GPC1: variants seen among roughly 807,000 people sequenced by gnomAD.
GPC1 encodes glypican 1, also known as glypican-1.
Under a neutral mutation model 51.5 loss-of-function variants are expected in GPC1, and 26 were observed. That is an observed-to-expected ratio of 0.50 (90% CI 0.37 to 0.70). The LOEUF is 0.70. Among genes scored for constraint, GPC1 ranks in the 30% least tolerant of loss-of-function variants. GPC1 has a pLI of 0.00. For synonymous variants in GPC1, 380 were observed against 348.3 expected (o/e 1.09, Z -1.01); for missense variants, 775 against 800.5 (o/e 0.97, Z 0.38).
Position 240,466,221 on chromosome 2 carries a change from G to A in GPC1, c.1608G>A (p.Gln536=). Residue 536 remains glutamine, a synonymous_variant, in exon 9 of 9, where the codon CAG becomes CAA. Coordinates refer to ENST00000264039, the MANE Select transcript of GPC1 (RefSeq NM_002081.3). The stretch of plus-strand genomic sequence containing the variant: ...AGACCTCGGCTGCCAGCTGCCCCCA[G>A]CCCCCGACCTTCCTCCTGCCCCTCC... ...GQKTSAASCP[Q]PPTFLLPLLL... 6.2e-7 allele frequency: 1 copy of A among 1,612,896 alleles called. No homozygotes were observed. The highest frequency in any genetic ancestry group is 2.2e-5 in the East Asian group (1 of 44,862).
chr2:240,457,714 C>T (rs544205807), intron 1 of GPC1, among the ~76,000 whole-genome samples: 7 of 152,282 alleles, frequency 4.6e-5, no homozygotes, highest in African/African-American at 7.2e-5. Flanking sequence ...ACCCCGCCCT[C>T]GGTCCCGGTC....
intron 1 of GPC1, chr2:240,457,443 A>G (rs1317268812): frequency 4.2e-6 from 2 of 470,702 alleles, no homozygotes; most frequent in South Asian, 3.1e-5. Context: ...CAGCAAACTC[A>G]GTCTGACCCA....
At chr2:240,458,757 T>TG (rs2074191797) in intron 1 of GPC1, 1 of 425,298 alleles carries the variant, frequency 2.4e-6, no homozygotes, top group Non-Finnish European at 4.2e-6. Flanking sequence ...GACAGCAGGC[T>TG]GGGGGGCAGG....
In GPC1 at chr2:240,462,677, C is replaced by T; in HGVS notation, c.717+95C>T. 11 of 1,135,920 alleles carry T rather than the reference C, an allele frequency of 9.7e-6. No homozygotes were observed. The South Asian group carries it at 1.8e-4, about 18-fold the overall frequency. 70.4% of individuals were successfully genotyped at this position (1,135,920 alleles called of 1,614,324 possible). A position where few individuals can be genotyped will look rare whatever the true frequency, so the allele number is the denominator to read the frequency against. Reference sequence around the variant, plus strand: ...TTCCCCCTACTTTAACCCTGTGCCCCTGGGCCTCTGGGCCAGCCTCTGACC... The same window carrying T: ...TTCCCCCTACTTTAACCCTGTGCCCTTGGGCCTCTGGGCCAGCCTCTGACC... On this transcript the variant is annotated intron_variant, in intron 3 of 8. Transcript: ENST00000264039.
chr2:240,444,692 G>A (rs756826164), intron 1 of GPC1, among the ~76,000 whole-genome samples: 16 of 152,220 alleles, frequency 1.1e-4, no homozygotes, highest in Non-Finnish European at 2.2e-4. Context: ...CAGAGCTGTG[G>A]CCTATGGGTG....
chr2:240,465,066 CT>C lies in GPC1; in HGVS notation c.1135-10del, dbSNP rs769362404. 1 of 1,597,716 alleles carries C rather than the reference CT, an allele frequency of 6.3e-7. No homozygotes were observed. Among genetic ancestry groups the C allele is most frequent in the South Asian group, 1.1e-5 (1 of 88,714 alleles). ...CCCTGGCAGCCCAGTGGCCTGACTG[CT>C]GCCCCACAGGTCTCCGAAGCCAAGG... On this transcript the variant is annotated splice_polypyrimidine_tract_variant and intron_variant, in intron 6 of 8. Transcript: ENST00000264039.
In GPC1 at chr2:240,465,229, G is replaced by T. The variant is rs755892854; in HGVS notation, c.1268+19G>T. 1.9e-6 allele frequency: 3 copies of T among 1,590,850 alleles called. No homozygotes were observed. Among genetic ancestry groups the T allele is most frequent in the Non-Finnish European group, 1.7e-6 (2 of 1,168,272 alleles). On this transcript the variant is annotated intron_variant, in intron 7 of 8. Transcript: ENST00000264039. ...GAGGCCGGTAGGTGCCCACCTGGCT[G>T]GCACAGCCCTCCCTCCCATGCCGCC... is the stretch of plus-strand genomic sequence containing the variant.
At chr2:240,457,156 C>A (rs988205104) in intron 1 of GPC1, among the ~76,000 whole-genome samples, 1 of 152,178 alleles carries the variant, frequency 6.6e-6, no homozygotes, top group African/African-American at 2.4e-5. Flanking sequence ...ACTCCCTCCC[C>A]CTCTAGCTCA....
chr2:240,455,987 C>T, intron 1 of GPC1: 1 of 427,176 alleles, frequency 2.3e-6, no homozygotes, highest in Non-Finnish European at 4.8e-6. Context: ...GTCCAGCCTG[C>T]CGGGGGCTCC....
intron 2 of GPC1, among the ~76,000 whole-genome samples, chr2:240,461,827 C>T (rs1409279762): frequency 6.6e-6 from 1 of 152,038 alleles, no homozygotes; most frequent in Non-Finnish European, 1.5e-5. Flanking sequence ...CCCCTCTTAC[C>T]CCAGTGAGTC....
Position 240,461,300 on chromosome 2 carries a change from C to G in GPC1, c.326-891C>G, listed in dbSNP as rs565989405. On this transcript the variant is annotated intron_variant, in intron 2 of 8. Transcript: ENST00000264039. ...CAGAGATCTCAGGCTTGACGGCCCC[C>G]GTGCCTCAAAGGAGAGCCTCTGCCC... Among the ~76,000 whole-genome samples, 10 of 152,296 alleles carry G rather than the reference C, an allele frequency of 6.6e-5. No homozygotes were observed. The South Asian group carries it at 2.1e-3, about 32-fold the overall frequency.
intron 1 of GPC1, among the ~76,000 whole-genome samples, chr2:240,453,782 C>T (rs938126543): frequency 2.0e-5 from 3 of 151,914 alleles, no homozygotes; most frequent in Non-Finnish European, 2.9e-5. Context: ...CTGGCCGCGG[C>T]GGCTGGCGAC....
At chr2:240,461,530 G>GTGAGCC (rs1289367326) in intron 2 of GPC1, among the ~76,000 whole-genome samples, 1 of 152,164 alleles carries the variant, frequency 6.6e-6, no homozygotes, top group Non-Finnish European at 1.5e-5. Flanking sequence ...AGGTCTGAGG[G>GTGAGCC]TGAGCCTGTG....
rs555346578 is a variant in GPC1, at chr2:240,443,655, G to A, written c.166+7571G>A. On this transcript the variant is annotated intron_variant, in intron 1 of 8. Coordinates refer to ENST00000264039, the MANE Select transcript of GPC1 (RefSeq NM_002081.3). ...GGGCAGTGGGAGGTGAGGCCCAGCG[G>A]CATCTGTGAACTAGGCCTCCTGGTG... Among the ~76,000 whole-genome samples the A allele has an allele frequency of 3.1e-4, 47 of 152,210 alleles. 1 individual carries two copies. Among genetic ancestry groups the A allele is most frequent in the Non-Finnish European group, 5.7e-4 (39 of 68,034 alleles).
chr2:240,462,005 G>A (rs1268665714), intron 2 of GPC1, among the ~76,000 whole-genome samples, 186 bp from the exon 3 acceptor site: 1 of 152,100 alleles, frequency 6.6e-6, no homozygotes, highest in Non-Finnish European at 1.5e-5. Flanking sequence ...CCCAGGCCAG[G>A]GGGTGAGGTC....
At chr2:240,446,036 T>C (rs1301217783) in intron 1 of GPC1, among the ~76,000 whole-genome samples, 3 of 152,208 alleles carry the variant, frequency 2.0e-5, no homozygotes, top group Non-Finnish European at 2.9e-5. Context: ...TGAGAAAGCG[T>C]CTGCGGCTTC....
rs577465352 is a variant in GPC1, at chr2:240,449,973, C to G, written c.167-9057C>G. 7 of 462,244 alleles carry G rather than the reference C, an allele frequency of 1.5e-5. No homozygotes were observed. In the East Asian group the frequency reaches 4.9e-4, roughly 32 times the overall value. 28.6% of individuals were successfully genotyped at this position (462,244 alleles called of 1,614,324 possible). On this transcript the variant is annotated intron_variant, in intron 1 of 8. Coordinates refer to ENST00000264039, the MANE Select transcript of GPC1 (RefSeq NM_002081.3). ...ATTCGACTGTGGAGAGACATCGTTTCTACCTTCCGGCTCTGGTGAATAATG... is the reference window on the plus strand; with the variant it reads ...ATTCGACTGTGGAGAGACATCGTTTGTACCTTCCGGCTCTGGTGAATAATG...
Position 240,462,295 on chromosome 2 carries a change from C to G in GPC1, c.430C>G (p.Leu144Val), listed in dbSNP as rs773502191. Residue 144 changes from leucine (L) to valine (V), a missense_variant, in exon 3 of 9, where the codon CTG becomes GTG. Leu to Val is a conservative substitution (Grantham distance 32). Coordinates refer to ENST00000264039, the MANE Select transcript of GPC1 (RefSeq NM_002081.3). Reference protein sequence around the residue: ...YTQNARAFRDLYSELRLYYRG... With the variant: ...YTQNARAFRDVYSELRLYYRG... ...GCAGAACGCGAGGGCCTTCCGGGAC[C>G]TGTACTCAGAGCTGCGCCTGTACTA... is the stretch of plus-strand genomic sequence containing the variant. 8.5e-5 allele frequency: 136 copies of G among 1,608,754 alleles called. No homozygotes were observed. Among genetic ancestry groups the G allele is most frequent in the Non-Finnish European group, 5.8e-5 (68 of 1,178,254 alleles).
rs2073981245 is a variant in GPC1 at position 240,436,017 on chromosome 2, C to T, written c.99C>T (p.Gly33=). ...GDPASKSRSC[G]EVRQIYGAKG... is the part of the protein sequence containing the mutation. ...CGGCCAGCAAGAGCCGGAGCTGCGGCGAGGTCCGCCAGATCTACGGAGCCA... is the reference window on the plus strand; with the variant it reads ...CGGCCAGCAAGAGCCGGAGCTGCGGTGAGGTCCGCCAGATCTACGGAGCCA... Residue 33 remains glycine, a synonymous_variant, in exon 1 of 9, where the codon GGC becomes GGT. Coordinates refer to ENST00000264039, the MANE Select transcript of GPC1 (RefSeq NM_002081.3). 2 of 1,384,496 alleles carry T rather than the reference C, an allele frequency of 1.4e-6. No individual in the cohort carries two copies. The highest frequency in any genetic ancestry group is 1.5e-5 in the African/African-American group (1 of 67,410). 85.8% of individuals were successfully genotyped at this position (1,384,496 alleles called of 1,614,324 possible). A position where few individuals can be genotyped will look rare whatever the true frequency, so the allele number is the denominator to read the frequency against.
Sources: allele counts gnomAD v4.1 joint callset (sites outside exome capture counted in the v4.1 genomes callset), GRCh38; gene constraint gnomAD v4.1.1; transcripts MANE v1.5; gene names NCBI Gene and HGNC (gene_info 2026-07-23, HGNC 2026-07-21).